Variants in NCKAP5 observed in about 807,000 individuals in gnomAD.
NCKAP5 encodes NCK associated protein 5.
A neutral mutation model predicts 167.0 loss-of-function variants in NCKAP5; 92 were observed. The observed-to-expected ratio is 0.55, with a 90% confidence interval of 0.47 to 0.66. The LOEUF (loss-of-function observed/expected upper bound fraction) is 0.66. Among genes scored for constraint, NCKAP5 ranks in the 30% least tolerant of loss-of-function variants. The pLI, the probability that NCKAP5 is intolerant of heterozygous loss-of-function variation, is 0.00. For missense variants in NCKAP5, 2,378 were observed against 2,315.0 expected (o/e 1.03, Z -0.56); for synonymous variants, 891 against 877.4 (o/e 1.02, Z -0.27).
intron 6 of NCKAP5, among the ~76,000 whole-genome samples, chr2:133,049,586 G>A (rs2079535463): frequency 1.3e-5 from 2 of 149,560 alleles, no homozygotes; most frequent in Admixed American, 1.3e-4. Context: ...ACACAGGCAA[G>A]TTTTTCACAG....
intron 16 of NCKAP5, among the ~76,000 whole-genome samples, chr2:132,748,483 A>G (rs1022972101): frequency 6.6e-6 from 1 of 152,184 alleles, no homozygotes; most frequent in African/African-American, 2.4e-5. Flanking sequence ...TTTTTCTATA[A>G]ATGGAGTAAT....
At position 132,918,550 on chromosome 2, in the gene NCKAP5, A is replaced by G. The variant is rs1243076383; in HGVS notation, c.580-39634T>C. On this transcript the variant is annotated intron_variant, in intron 8 of 19. Transcript: ENST00000409261. ...CATTTATTGGATCATTTCTCCTCCA[A>G]CTAAAATATAACACTAATGATTATA... Among the ~76,000 whole-genome samples the G allele has an allele frequency of 2.0e-5, 3 of 152,306 alleles. No individual in the cohort carries two copies. The East Asian group carries it at 5.8e-4, about 29-fold the overall frequency.
At chr2:133,039,088 GAGA>G (rs1169522125) in intron 6 of NCKAP5, among the ~76,000 whole-genome samples, 2 of 152,164 alleles carry the variant, frequency 1.3e-5, no homozygotes, top group Non-Finnish European at 2.9e-5. Flanking sequence ...GGCTCTGGAG[GAGA>G]AGGTTTGAGC....
intron 5 of NCKAP5, among the ~76,000 whole-genome samples, chr2:133,202,348 A>G (rs1339093807): frequency 6.6e-6 from 1 of 152,234 alleles, no homozygotes; most frequent in African/African-American, 2.4e-5. Context: ...AGAAAGCTGA[A>G]ACTGGATCCC....
chr2:133,284,068 A>C (rs1181175521), intron 4 of NCKAP5, among the ~76,000 whole-genome samples: 1 of 152,166 alleles, frequency 6.6e-6, no homozygotes, highest in African/African-American at 2.4e-5. Context: ...AATAATCAAG[A>C]AAACAACAAA....
chr2:133,056,781 G>C (rs751696031), intron 6 of NCKAP5, among the ~76,000 whole-genome samples: 35 of 152,286 alleles, frequency 2.3e-4, no homozygotes, highest in Non-Finnish European at 4.0e-4. Context: ...AGATCATTCA[G>C]GCAATTTTGT....
At chr2:132,780,976 T>G in intron 15 of NCKAP5, 76 bp downstream of exon 15, 1 of 1,434,656 alleles carries the variant, frequency 7.0e-7, no homozygotes. Flanking sequence ...TACATTTTCA[T>G]TAGCAAACGG....
chr2:132,778,451 G>C (rs1682738013), intron 15 of NCKAP5, among the ~76,000 whole-genome samples: 1 of 151,948 alleles, frequency 6.6e-6, no homozygotes, highest in Non-Finnish European at 1.5e-5. Flanking sequence ...TATATGTATG[G>C]AAATAATCTA....
At chr2:133,483,255 G>A (rs1041384123) in intron 3 of NCKAP5, among the ~76,000 whole-genome samples, 3 of 152,110 alleles carry the variant, frequency 2.0e-5, no homozygotes, top group Non-Finnish European at 4.4e-5. Context: ...TGGTGCATCT[G>A]GTCCTTGTTA....
At chr2:133,270,384 A>G (rs2089455361) in intron 4 of NCKAP5, among the ~76,000 whole-genome samples, 1 of 152,244 alleles carries the variant, frequency 6.6e-6, no homozygotes, top group Admixed American at 6.5e-5. Context: ...CCATCTGAGA[A>G]GAAGCAGCTT....
At chr2:132,910,658 C>T (rs1219546176) in intron 8 of NCKAP5, among the ~76,000 whole-genome samples, 4 of 152,166 alleles carry the variant, frequency 2.6e-5, no homozygotes, top group Non-Finnish European at 4.4e-5. Flanking sequence ...TTTTCTTTAT[C>T]CATTCATGTG....
chr2:133,340,297 T>A (rs992035012), intron 3 of NCKAP5, among the ~76,000 whole-genome samples: 1 of 152,196 alleles, frequency 6.6e-6, no homozygotes, highest in Non-Finnish European at 1.5e-5. Context: ...ATTTTAGTAA[T>A]GAAAAGCAGC....
intron 7 of NCKAP5, among the ~76,000 whole-genome samples, chr2:132,969,707 T>C (rs1573587633): frequency 6.6e-6 from 1 of 152,244 alleles, no homozygotes; most frequent in East Asian, 1.9e-4. Context: ...TGAATGGTCC[T>C]GGGGTGCAGG....
Position 132,784,659 on chromosome 2 carries a change from C to T in NCKAP5, c.2152G>A (p.Ala718Thr). 1 of 1,613,902 alleles carries T rather than the reference C, an allele frequency of 6.2e-7. No homozygotes were observed. The highest frequency in any genetic ancestry group is 1.1e-5 in the South Asian group (1 of 91,070). The change falls in exon 14 of 20, where the codon GCT becomes ACT. Residue 718 changes from alanine to threonine, a missense_variant. By Grantham distance (58) the Ala-to-Thr change is moderately conservative. Around this residue, in one of 3 missense-constraint regions of NCKAP5, gnomAD observed 1,049 missense variants for 1,023.4 expected, o/e 1.02. Coordinates refer to ENST00000409261, the MANE Select transcript of NCKAP5 (RefSeq NM_207363.3). ...GCAGCAGCTCTTGGCTGTAAACAAG[C>T]AATTCCCTGAGGTAAAAGCTCAGTA... is the stretch of plus-strand genomic sequence containing the variant. ...EHTELLPQGI[A>T]CLQPRAAARD...
At chr2:133,626,537 TTTAC>T in the NCKAP5 span, among the ~76,000 whole-genome samples, 2 of 152,120 alleles carry the variant, frequency 1.3e-5, no homozygotes, top group Non-Finnish European at 2.9e-5. Flanking sequence ...TTGCAATTTA[TTTAC>T]TTATTTGAAT....
intron 6 of NCKAP5, among the ~76,000 whole-genome samples, chr2:133,109,997 AG>A (rs534941143): frequency 5.6e-4 from 85 of 152,330 alleles, no homozygotes; most frequent in African/African-American, 1.9e-3. Context: ...AAGGCTTCAG[AG>A]AAAAAGAAGA....
intron 16 of NCKAP5, among the ~76,000 whole-genome samples, chr2:132,737,051 T>C (rs186280544): frequency 2.7e-4 from 41 of 152,242 alleles, no homozygotes; most frequent in Non-Finnish European, 2.9e-5. Flanking sequence ...ACCACCACCA[T>C]CAAGACCCAG....
At chr2:133,553,744 T>C (rs1687544095) in intron 2 of NCKAP5, among the ~76,000 whole-genome samples, 1 of 151,976 alleles carries the variant, frequency 6.6e-6, no homozygotes, top group African/African-American at 2.4e-5. Flanking sequence ...TTTGATCAAA[T>C]CCCAAAAATA....
At chr2:133,330,308 C>G (rs1437404082) in intron 3 of NCKAP5, among the ~76,000 whole-genome samples, 1 of 125,144 alleles carries the variant, frequency 8.0e-6, no homozygotes, top group Non-Finnish European at 1.6e-5. Context: ...TGGTCTCAAT[C>G]CCCTGGGCTC....
Sources: gnomAD v4.1 joint callset for allele counts (sites outside exome capture counted in the v4.1 genomes callset) on GRCh38, gnomAD v4.1.1 for gene constraint, gnomAD v4.1.1 regional missense constraint, MANE v1.5 for transcripts, NCBI Gene and HGNC (gene_info 2026-07-23, HGNC 2026-07-21) for gene names.